The following MICAL3 variants were observed in gnomAD, a reference collection of about 807,000 sequenced individuals.
The protein encoded by MICAL3 is [F-actin]-monooxygenase MICAL3.
In MICAL3, 62 loss-of-function variants were observed where a neutral mutation model predicts 207.4. The ratio of observed to expected loss-of-function variants is 0.30; its 90% CI spans 0.24 to 0.37. MICAL3 has a LOEUF of 0.37. MICAL3 is among the 10% of genes least tolerant of loss of function. The pLI, the probability that MICAL3 is intolerant of heterozygous loss-of-function variation, is 1.00. For synonymous variants in MICAL3, 1,077 were observed against 1,069.3 expected, an observed-to-expected ratio of 1.01 and a Z score of -0.14; for missense variants, 2,368 against 2,635.6, an observed-to-expected ratio of 0.90 and a Z score of 2.22.
intron 22 of MICAL3, among the ~76,000 whole-genome samples, chr22:17,823,993 C>T (rs1921905502): frequency 1.3e-5 from 2 of 152,204 alleles, no homozygotes; most frequent in Non-Finnish European, 2.9e-5. Flanking sequence ...ACGTAAAGTT[C>T]ATCCTCTGGA....
At chr22:17,839,140 C>T (rs960880245) in intron 20 of MICAL3, among the ~76,000 whole-genome samples, 5 of 150,384 alleles carry the variant, frequency 3.3e-5, no homozygotes, top group African/African-American at 9.8e-5. Flanking sequence ...TTTGTAGAGA[C>T]GGGGTTTCAT....
intron 16 of MICAL3, among the ~76,000 whole-genome samples, chr22:17,877,231 TTATG>T: frequency 8.4e-6 from 1 of 118,490 alleles, no homozygotes; most frequent in Non-Finnish European, 1.7e-5. Context: ...GTTAGGGAGG[TTATG>T]GAGGTTAGGG....
Position 17,878,634 on chromosome 22 carries a change from G to A in MICAL3, c.2242-6611C>T, listed in dbSNP as rs190160715. Among the ~76,000 whole-genome samples, 23 of 152,244 alleles carry A rather than the reference G, an allele frequency of 1.5e-4. No homozygotes were observed. In the East Asian group the frequency reaches 2.7e-3, roughly 18 times the overall value. On this transcript the variant is annotated intron_variant, in intron 16 of 31. Transcript: ENST00000441493. ...TTAACAACTAGAGATGATTCTTCCC[G>A]CTAGCTGCAGAGCTGTACCCACTTG...
intron 19 of MICAL3, chr22:17,864,259 G>T (rs1926822364): frequency 1.9e-6 from 2 of 1,040,692 alleles, no homozygotes; most frequent in Admixed American, 4.9e-5. Flanking sequence ...TCATGAAAGT[G>T]GGACAGGTGA....
At chr22:17,964,979 C>T (rs1262369887) in intron 1 of MICAL3, among the ~76,000 whole-genome samples, 4 of 152,092 alleles carry the variant, frequency 2.6e-5, no homozygotes, top group South Asian at 4.2e-4. Flanking sequence ...AAAACAGAAA[C>T]GCCATCGCTG....
At chr22:17,840,259 T>C (rs1923875172) in intron 20 of MICAL3, 1 of 151,798 alleles carries the variant, frequency 6.6e-6, no homozygotes, top group South Asian at 2.1e-4. Context: ...GCCCAGCTAA[T>C]TTTTGTATTT....
chr22:17,900,103 G>A lies in MICAL3; in HGVS notation c.848-555C>T, dbSNP rs895793833. Among the ~76,000 whole-genome samples the A allele has an allele frequency of 2.6e-5, 4 of 152,232 alleles. No individual in the cohort carries two copies. Among genetic ancestry groups the A allele is most frequent in the South Asian group, 4.1e-4 (2 of 4,822 alleles). On this transcript the variant is annotated intron_variant, in intron 6 of 31. Coordinates refer to ENST00000441493, the MANE Select transcript of MICAL3 (RefSeq NM_015241.3). The surrounding 1 kb of genome is among the most constrained non-coding windows in gnomAD (Gnocchi z 4.0). Reference sequence around the variant, plus strand: ...AAACCTATCATACAACAATCTCATCGCTATCTGACACACGGTTTGCCTTCA... The same window carrying A: ...AAACCTATCATACAACAATCTCATCACTATCTGACACACGGTTTGCCTTCA...
intron 22 of MICAL3, chr22:17,826,585 G>A (rs1922211867): frequency 4.8e-6 from 4 of 829,698 alleles, no homozygotes; most frequent in African/African-American, 2.0e-5. Context: ...GAGAGCCAAG[G>A]TCATCCTTAA....
chr22:17,911,009 C>T (rs976177848), intron 1 of MICAL3, among the ~76,000 whole-genome samples: 3 of 103,596 alleles, frequency 2.9e-5, no homozygotes, highest in Admixed American at 1.1e-4. Context: ...AGTGAGGAGC[C>T]GGGTTGGGGG....
intron 1 of MICAL3, among the ~76,000 whole-genome samples, chr22:17,976,569 A>G (rs2034303): frequency 0.21 from 18,447 of 86,570 alleles, 1,844 homozygotes; most frequent in Middle Eastern, 0.26. Context: ...GTGTATATAT[A>G]TATATATATA....
intron 1 of MICAL3, among the ~76,000 whole-genome samples, chr22:17,979,725 CT>C (rs1423119082): frequency 6.6e-6 from 1 of 151,496 alleles, no homozygotes; most frequent in Non-Finnish European, 1.5e-5. Flanking sequence ...TGATCTCTGT[CT>C]AAAGTCTCTT....
At chr22:17,868,950 G>A (rs953762925) in intron 17 of MICAL3, among the ~76,000 whole-genome samples, 8 of 152,156 alleles carry the variant, frequency 5.3e-5, no homozygotes, top group East Asian at 1.9e-4. Context: ...CAGGCGCACC[G>A]GTGCCTGGGC....
At chr22:17,976,358 C>T (rs76122785) in intron 1 of MICAL3, among the ~76,000 whole-genome samples, 4,347 of 151,904 alleles carry the variant, frequency 0.029, 172 homozygotes, top group African/African-American at 0.086. Context: ...AACAGCACTG[C>T]CCGATTTTCT....
chr22:17,858,409 G>GT, intron 19 of MICAL3: 1 of 963,186 alleles, frequency 1.0e-6, no homozygotes, highest in Non-Finnish European at 1.2e-6. Context: ...GTAAGGGCTG[G>GT]TTTTTGAGTC....
chr22:17,982,386 T>C (rs985811670), intron 1 of MICAL3, among the ~76,000 whole-genome samples: 1 of 152,218 alleles, frequency 6.6e-6, no homozygotes, highest in South Asian at 2.1e-4. Context: ...AAATATAAAA[T>C]GTTTTCTTGG....
intron 22 of MICAL3, among the ~76,000 whole-genome samples, chr22:17,826,202 CT>C (rs5844329): frequency 0.31 from 46,591 of 152,040 alleles, 7,482 homozygotes; most frequent in Non-Finnish European, 0.34. Context: ...TTATCCGACT[CT>C]TATCAATAAA....
In MICAL3 at chr22:17,918,279, T is replaced by C. The variant is rs1932666013; in HGVS notation, c.-74-11393A>G. ...CTGGCGGACAGAACGAGACTGTCTC[T>C]TAAAAAAAAAACATTGAGGACCCAA... On this transcript the variant is annotated intron_variant, in intron 1 of 31. Coordinates refer to ENST00000441493, the MANE Select transcript of MICAL3 (RefSeq NM_015241.3). Among the ~76,000 whole-genome samples, 4 of 149,548 alleles carry C rather than the reference T, an allele frequency of 2.7e-5. No individual in the cohort carries two copies. The South Asian group carries it at 8.3e-4, about 31-fold the overall frequency.
In MICAL3 at chr22:17,901,937, A is replaced by G. The variant is rs1931352468; in HGVS notation, c.632T>C (p.Val211Ala). 1.9e-6 allele frequency: 3 copies of G among 1,613,752 alleles called. No individual in the cohort carries two copies. The highest frequency in any genetic ancestry group is 2.5e-6 in the Non-Finnish European group (3 of 1,179,866). Reference sequence around the variant, plus strand: ...GATCACTTCAAATTCATACTCTGACACAGGATGAGTCTTGGGGTGCACCAG... The same window carrying G: ...GATCACTTCAAATTCATACTCTGACGCAGGATGAGTCTTGGGGTGCACCAG... ...RALVHPKTHPVSEYEFEVIIG... is the reference protein window; with the variant it reads ...RALVHPKTHPASEYEFEVIIG... Residue 211 changes from valine (V) to alanine (A), a missense_variant, in exon 5 of 32, where the codon GTG becomes GCG. Physicochemically the swap from Val to Ala is moderately conservative, Grantham distance 64. Transcript: ENST00000441493.
At chr22:17,848,115 C>T (rs183771606) in intron 19 of MICAL3, among the ~76,000 whole-genome samples, 68 of 152,306 alleles carry the variant, frequency 4.5e-4, no homozygotes, top group Admixed American at 3.3e-3. Context: ...TGTGAAGAAA[C>T]GGCCAGGTTG....
Sources: allele counts gnomAD v4.1 joint callset (sites outside exome capture counted in the v4.1 genomes callset), GRCh38; gene constraint gnomAD v4.1.1; non-coding constraint Gnocchi (gnomAD v3.1); transcripts MANE v1.5; gene names NCBI Gene and HGNC (gene_info 2026-07-23, HGNC 2026-07-21).